Variants in OLFM2 observed in about 807,000 individuals in gnomAD.
OLFM2 encodes olfactomedin 2, also known as noelin-2.
A neutral mutation model predicts 43.9 loss-of-function variants in OLFM2; 20 were observed. The ratio of observed to expected loss-of-function variants is 0.46; its 90% confidence interval spans 0.32 to 0.66. The LOEUF is 0.66. OLFM2 is among the 30% of genes least tolerant of loss of function. The pLI is 0.04. For missense variants in OLFM2, 416 were observed against 643.6 expected, an observed-to-expected ratio of 0.65 and a Z score of 3.83; for synonymous variants, 268 against 278.6, an observed-to-expected ratio of 0.96 and a Z score of 0.38.
At chr19:9,905,685 G>A (rs570107337) in intron 1 of OLFM2, among the ~76,000 whole-genome samples, 32 of 151,796 alleles carry the variant, frequency 2.1e-4, no homozygotes, top group African/African-American at 6.5e-4. Flanking sequence ...TGAAGGGGCC[G>A]GAAAGATTCA....
In OLFM2 at chr19:9,936,294, G is replaced by C; in HGVS notation, c.63+10C>G. On this transcript the variant is annotated intron_variant, in intron 1 of 5. Transcript: ENST00000264833. The stretch of plus-strand genomic sequence containing the variant: ...CCACCCGCGCCCGCACCTGCCCGCC[G>C]GGCCCCTACCTGTCCGGCCAGGCCT... 1.3e-6 allele frequency: 2 copies of C among 1,527,878 alleles called. No homozygotes were observed. The highest frequency in any genetic ancestry group is 2.0e-5 in the Admixed American group (1 of 50,710). The allele number at this position is 1,527,878 out of a possible 1,614,324, so 94.6% of individuals were successfully genotyped here.
intron 1 of OLFM2, among the ~76,000 whole-genome samples, chr19:9,897,307 A>G (rs4804473): frequency 0.64 from 94,475 of 146,620 alleles, 32,504 homozygotes; most frequent in Admixed American, 0.77. Context: ...TAGCCTGGGC[A>G]ACAGAGTGAG....
At chr19:9,865,485 C>T (rs868565688) in intron 1 of OLFM2, among the ~76,000 whole-genome samples, 176 of 73,578 alleles carry the variant, frequency 2.4e-3, no homozygotes, top group African/African-American at 6.6e-3. Context: ...TCTGTTTTTT[C>T]TTTTTTTTTT....
intron 1 of OLFM2, among the ~76,000 whole-genome samples, chr19:9,902,038 A>G (rs887393699): frequency 5.9e-5 from 9 of 151,958 alleles, no homozygotes; most frequent in Admixed American, 5.9e-4. Flanking sequence ...ATATATATAT[A>G]TATATTTCGA....
At chr19:9,872,701 C>T (rs897897586) in intron 1 of OLFM2, among the ~76,000 whole-genome samples, 1 of 152,076 alleles carries the variant, frequency 6.6e-6, no homozygotes, top group African/African-American at 2.4e-5. Context: ...CACCTTTCCA[C>T]CCATTCATCC....
At chr19:9,859,986 A>T (rs1049925352) in intron 2 of OLFM2, among the ~76,000 whole-genome samples, 1 of 152,022 alleles carries the variant, frequency 6.6e-6, no homozygotes, top group African/African-American at 2.4e-5. Flanking sequence ...TGCTAAAAAT[A>T]AAAAAATTAG....
At chr19:9,868,981 T>A (rs1206271191) in intron 1 of OLFM2, among the ~76,000 whole-genome samples, 6 of 151,120 alleles carry the variant, frequency 4.0e-5, no homozygotes, top group African/African-American at 1.5e-4. Context: ...ATTTTTTTTT[T>A]TTTTTTTGGC....
intron 1 of OLFM2, among the ~76,000 whole-genome samples, chr19:9,924,992 G>A (rs940875278): frequency 6.6e-6 from 1 of 152,064 alleles, no homozygotes; most frequent in African/African-American, 2.4e-5. Context: ...GCTGGGCGCC[G>A]TGGCTCATGC....
At chr19:9,873,179 G>A (rs2046457326) in intron 1 of OLFM2, among the ~76,000 whole-genome samples, 1 of 152,198 alleles carries the variant, frequency 6.6e-6, no homozygotes, top group Admixed American at 6.6e-5. Context: ...GTCTCACTCT[G>A]CCGCGCAGGC....
chr19:9,913,775 G>T (rs888141560), intron 1 of OLFM2: 9 of 662,392 alleles, frequency 1.4e-5, no homozygotes, highest in Non-Finnish European at 1.3e-5. Flanking sequence ...CGGGGTGAGG[G>T]GGGGCTCGGG....
At chr19:9,909,311 C>A (rs760536041) in intron 1 of OLFM2, among the ~76,000 whole-genome samples, 4 of 152,214 alleles carry the variant, frequency 2.6e-5, no homozygotes, top group African/African-American at 4.8e-5. Context: ...TACTTCAGGC[C>A]TCGAAATGAT....
At chr19:9,926,097 A>G (rs1197772503) in intron 1 of OLFM2, among the ~76,000 whole-genome samples, 5 of 151,978 alleles carry the variant, frequency 3.3e-5, no homozygotes, top group Non-Finnish European at 4.4e-5. Flanking sequence ...TGATGGTGCC[A>G]CTGCACTCCA....
At chr19:9,914,324 CTCCCATGA>C (rs1288578666) in intron 1 of OLFM2, among the ~76,000 whole-genome samples, 1 of 152,156 alleles carries the variant, frequency 6.6e-6, no homozygotes, top group Non-Finnish European at 1.5e-5. Flanking sequence ...CGCTCGTGCG[CTCCCATGA>C]ATCGGGTCAC....
chr19:9,936,372 G>C lies in OLFM2; in HGVS notation c.-6C>G, dbSNP rs780526746. 7.9e-5 allele frequency: 114 copies of C among 1,451,048 alleles called. No homozygotes were observed. Among genetic ancestry groups the C allele is most frequent in the Non-Finnish European group, 4.9e-5 (54 of 1,104,810 alleles). The allele number at this position is 1,451,048 out of a possible 1,614,324, so 89.9% of individuals were successfully genotyped here. On this transcript the variant is annotated 5_prime_UTR_variant, in exon 1 of 6. Coordinates refer to ENST00000264833, the MANE Select transcript of OLFM2 (RefSeq NM_058164.4). ...GGGACCGTGAGCGGCCACATGACGCGCCCCTAGCCCGGCGTCCCGACCCCC... is the reference window on the plus strand; with the variant it reads ...GGGACCGTGAGCGGCCACATGACGCCCCCCTAGCCCGGCGTCCCGACCCCC...
intron 1 of OLFM2, among the ~76,000 whole-genome samples, chr19:9,892,082 T>C (rs557728246): frequency 2.0e-5 from 3 of 152,224 alleles, no homozygotes; most frequent in African/African-American, 4.8e-5. Flanking sequence ...GTGTGCCAGT[T>C]GGCTGTGTTT....
chr19:9,877,189 C>G (rs960094881), intron 1 of OLFM2, among the ~76,000 whole-genome samples: 3 of 146,822 alleles, frequency 2.0e-5, no homozygotes, highest in African/African-American at 5.1e-5. Context: ...GAGATGGTGC[C>G]ACTGCACTCC....
intron 1 of OLFM2, among the ~76,000 whole-genome samples, chr19:9,925,756 G>A (rs1246323388): frequency 1.3e-5 from 2 of 151,344 alleles, no homozygotes; most frequent in African/African-American, 4.9e-5. Context: ...TTCTGAATAC[G>A]TACACAAAAG....
chr19:9,917,864 C>T (rs1003622296), intron 1 of OLFM2, among the ~76,000 whole-genome samples: 5 of 142,116 alleles, frequency 3.5e-5, no homozygotes, highest in Non-Finnish European at 7.7e-5. Context: ...GCCACTTACC[C>T]TACTTTAGTT....
At chr19:9,881,192 C>T (rs1306128966) in intron 1 of OLFM2, among the ~76,000 whole-genome samples, 2 of 152,164 alleles carry the variant, frequency 1.3e-5, no homozygotes, top group South Asian at 4.1e-4. Flanking sequence ...CCACTGTGCC[C>T]GGCAACCCCA....
Sources: allele counts gnomAD v4.1 joint callset (sites outside exome capture counted in the v4.1 genomes callset), GRCh38; gene constraint gnomAD v4.1.1; transcripts MANE v1.5; gene names NCBI Gene and HGNC (gene_info 2026-07-23, HGNC 2026-07-21).